PKHD1: variants seen among roughly 807,000 people sequenced by gnomAD.
PKHD1 encodes PKHD1 ciliary IPT domain containing fibrocystin/polyductin, also known as fibrocystin.
A neutral mutation model predicts 412.0 loss-of-function variants in PKHD1; 291 were observed. That is an observed-to-expected ratio of 0.71 (90% CI 0.64 to 0.78). PKHD1 has a LOEUF of 0.78. Ranked by LOEUF, PKHD1 falls within the 30% of genes least tolerant of loss-of-function variation. PKHD1 has a pLI of 0.00. For synonymous variants in PKHD1, 1,777 were observed against 1,821.5 expected, an observed-to-expected ratio of 0.98 and a Z score of 0.62; for missense variants, 4,825 against 4,950.7, an observed-to-expected ratio of 0.97 and a Z score of 0.76.
chr6:52,024,790 C>T lies in PKHD1; in HGVS notation c.5020G>A (p.Val1674Met). The change falls in exon 32 of 67, where the codon GTG becomes ATG. Residue 1674 changes from valine to methionine, a missense_variant. Val to Met is a conservative substitution (Grantham distance 21). Coordinates refer to ENST00000371117, the MANE Select transcript of PKHD1 (RefSeq NM_138694.4). The stretch of plus-strand genomic sequence containing the variant: ...TTTGCAGCTCCTGAGATCTGGGCCA[C>T]TGCAAAGGTTAAGATGTCATCGCTC... ...SQSDDILTFA[V>M]AQISGAANID... is the part of the protein sequence containing the mutation. 1 of 1,614,208 alleles carries T rather than the reference C, an allele frequency of 6.2e-7. No homozygotes were observed. The highest frequency in any genetic ancestry group is 8.5e-7 in the Non-Finnish European group (1 of 1,180,022).
intron 35 of PKHD1, among the ~76,000 whole-genome samples, chr6:51,995,621 G>C (rs1184269307): frequency 6.6e-6 from 1 of 152,112 alleles, no homozygotes. Context: ...GGAGTTTCCA[G>C]GTAATTTTTC....
At chr6:51,701,257 C>T (rs968090665) in intron 60 of PKHD1, among the ~76,000 whole-genome samples, 4 of 152,000 alleles carry the variant, frequency 2.6e-5, no homozygotes, top group African/African-American at 9.7e-5. Flanking sequence ...CTGGTAATGC[C>T]ATATTCGAAA....
chr6:52,081,406 A>G (rs1368670915), intron 4 of PKHD1, among the ~76,000 whole-genome samples: 1 of 152,230 alleles, frequency 6.6e-6, no homozygotes, highest in Admixed American at 6.5e-5. Context: ...CATGAGGACT[A>G]CAATGGTGAA....
intron 60 of PKHD1, chr6:51,720,941 A>C (rs1781853604): frequency 1.0e-6 from 1 of 968,062 alleles, no homozygotes; most frequent in African/African-American, 1.8e-5. Flanking sequence ...ATAAATGAGT[A>C]AATGTCACAT....
chr6:51,800,950 G>A (rs533702723), intron 52 of PKHD1, among the ~76,000 whole-genome samples: 8 of 151,900 alleles, frequency 5.3e-5, no homozygotes, highest in African/African-American at 1.9e-4. Context: ...TAATTAATGG[G>A]TTTTTTTTCT....
At chr6:51,673,029 T>C (rs990274951) in intron 60 of PKHD1, among the ~76,000 whole-genome samples, 7 of 152,204 alleles carry the variant, frequency 4.6e-5, no homozygotes, top group Admixed American at 2.0e-4. Flanking sequence ...TCTGGCATTC[T>C]TCTAGAGAGG....
chr6:52,062,713 G>A, intron 13 of PKHD1, 53 bp from the exon 14 acceptor site: 1 of 1,608,094 alleles, frequency 6.2e-7, no homozygotes, highest in Non-Finnish European at 8.5e-7. Flanking sequence ...TCCCAAATTG[G>A]GGAATTACTT....
intron 29 of PKHD1, among the ~76,000 whole-genome samples, chr6:52,030,442 A>G (rs545421817): frequency 6.6e-6 from 1 of 152,196 alleles, no homozygotes. Context: ...TCTTGACCGC[A>G]TGTCTTCCCA....
intron 8 of PKHD1, among the ~76,000 whole-genome samples, chr6:52,071,400 C>T (rs544115182): frequency 2.6e-4 from 40 of 151,532 alleles, no homozygotes; most frequent in Non-Finnish European, 3.1e-4. Context: ...AAGTATGAAC[C>T]CCATAAAGGA....
chr6:52,053,331 T>G, intron 20 of PKHD1, 80 bp from the exon 21 acceptor site: 1 of 1,423,714 alleles, frequency 7.0e-7, no homozygotes, highest in Admixed American at 1.9e-5. Flanking sequence ...GTTCCCAACC[T>G]GGGGGGCCTG....
chr6:52,077,213 G>A (rs1479181791), intron 5 of PKHD1, among the ~76,000 whole-genome samples: 1 of 152,148 alleles, frequency 6.6e-6, no homozygotes, highest in Non-Finnish European at 1.5e-5. Context: ...GGAGAGGTGA[G>A]AACGAGGCAA....
chr6:51,915,930 C>T (rs1238169297), intron 37 of PKHD1, among the ~76,000 whole-genome samples: 2 of 151,948 alleles, frequency 1.3e-5, no homozygotes, highest in Non-Finnish European at 2.9e-5. Flanking sequence ...GAGTTGGGGG[C>T]CTCAGACAGT....
chr6:51,907,162 T>C (rs140238770), intron 40 of PKHD1, among the ~76,000 whole-genome samples: 1 of 152,280 alleles, frequency 6.6e-6, no homozygotes, highest in Non-Finnish European at 1.5e-5. Context: ...ATTATTTGAA[T>C]AATTAAACTA....
At chr6:52,075,928 C>T (rs1811268154) in intron 6 of PKHD1, among the ~76,000 whole-genome samples, 1 of 152,162 alleles carries the variant, frequency 6.6e-6, no homozygotes, top group Admixed American at 6.5e-5. Flanking sequence ...AGACTGGAGC[C>T]TGGCACACAG....
intron 22 of PKHD1, among the ~76,000 whole-genome samples, chr6:52,049,476 C>A (rs1036935695): frequency 3.3e-5 from 5 of 151,968 alleles, no homozygotes; most frequent in Non-Finnish European, 5.9e-5. Flanking sequence ...ATATATATAT[C>A]CCTACACCCA....
intron 35 of PKHD1, among the ~76,000 whole-genome samples, chr6:51,965,090 C>A (rs1227255827): frequency 6.6e-6 from 1 of 152,050 alleles, no homozygotes; most frequent in Non-Finnish European, 1.5e-5. Context: ...GACATTAAAC[C>A]TTTTGGCCAA....
chr6:51,834,559 T>C (rs1340198924), intron 51 of PKHD1, among the ~76,000 whole-genome samples: 2 of 151,706 alleles, frequency 1.3e-5, no homozygotes, highest in East Asian at 1.9e-4. Flanking sequence ...CATTCATTCA[T>C]TCTTAGTTTT....
At chr6:51,975,963 TAAAAAAAAAAAAAA>T (rs66774242) in intron 35 of PKHD1, 4 of 69,780 alleles carry the variant, frequency 5.7e-5, no homozygotes, top group Non-Finnish European at 8.2e-5. Flanking sequence ...TTTCTCTAAT[TAAAAAAAAAAAAAA>T]AAAAAAAAAA....
Position 51,867,924 on chromosome 6 carries a change from G to A in PKHD1, c.7672C>T (p.Arg2558Trp), listed in dbSNP as rs1195338697. The A allele has an allele frequency of 8.1e-6, 13 of 1,612,658 alleles. No homozygotes were observed. The highest frequency in any genetic ancestry group is 4.5e-5 in the East Asian group (2 of 44,876). Reference sequence around the variant, plus strand: ...CCACAGGCACTGCCATGGACAACCCGACCAAAGCTTGAATTGACCAAACAA... The same window carrying A: ...CCACAGGCACTGCCATGGACAACCCAACCAAAGCTTGAATTGACCAAACAA... ...ASCLVNSSFG[R>W]VVHGSACGGG... Residue 2558 changes from arginine (R) to tryptophan (W), a missense_variant, in exon 48 of 67, where the codon CGG (arginine) becomes TGG (tryptophan). Transcript: ENST00000371117.
Sources: allele counts gnomAD v4.1 joint callset (sites outside exome capture counted in the v4.1 genomes callset), GRCh38; gene constraint gnomAD v4.1.1; transcripts MANE v1.5; gene names NCBI Gene and HGNC (gene_info 2026-07-23, HGNC 2026-07-21).